The following IL36B variants were observed in gnomAD, a reference collection of about 807,000 sequenced individuals.
IL36B encodes interleukin-36 beta.
Under a neutral mutation model 19.3 loss-of-function variants are expected in IL36B, and 23 were observed. That is an observed-to-expected ratio of 1.19 (90% CI 0.86 to 1.69). The LOEUF (loss-of-function observed/expected upper bound fraction) is 1.69. Ranked by LOEUF, IL36B falls within the 40% of genes most tolerant of loss-of-function variation. The pLI, the probability that IL36B is intolerant of heterozygous loss-of-function variation, is 0.00. For missense variants in IL36B, 217 were observed against 200.5 expected, an observed-to-expected ratio of 1.08 and a Z score of -0.50; for synonymous variants, 59 against 59.7, an observed-to-expected ratio of 0.99 and a Z score of 0.05.
At chr2:113,027,771 G>A in intron 4 of IL36B, 1 of 1,463,560 alleles carries the variant, frequency 6.8e-7, no homozygotes, top group Non-Finnish European at 9.0e-7. Context: ...GGTGGCTTTT[G>A]GATAGTAAGA....
At chr2:113,045,211 T>C (rs887907363) in intron 1 of IL36B, among the ~76,000 whole-genome samples, 1 of 152,222 alleles carries the variant, frequency 6.6e-6, no homozygotes, top group Non-Finnish European at 1.5e-5. Flanking sequence ...TATTTCATCT[T>C]AATTTTGAAA....
rs761534030 is a variant in IL36B, at chr2:113,026,198, G to A, written c.296C>T (p.Thr99Ile). Residue 99 changes from threonine (T) to isoleucine (I), a missense_variant, in exon 5 of 6, where the codon ACT becomes ATT. Thr to Ile is a moderately conservative substitution (Grantham distance 89). Transcript: ENST00000259213. Reference sequence around the variant, plus strand: ...GTGAATTCCAACTAGTTTCCAGCAAGTGTCCTTCCCTATGTTATCTTGGGA... The same window carrying A: ...GTGAATTCCAACTAGTTTCCAGCAAATGTCCTTCCCTATGTTATCTTGGGA... 2 of 1,613,902 alleles carry A rather than the reference G, an allele frequency of 1.2e-6. No homozygotes were observed. Among genetic ancestry groups the A allele is most frequent in the Admixed American group, 1.7e-5 (1 of 60,016 alleles).
chr2:113,047,083 T>G (rs192089826), intron 1 of IL36B, among the ~76,000 whole-genome samples: 57 of 152,346 alleles, frequency 3.7e-4, no homozygotes, highest in Non-Finnish European at 5.9e-4. Flanking sequence ...GCTACTTTAT[T>G]TATTTTGCTA....
chr2:113,046,713 G>C (rs979444574), intron 1 of IL36B, among the ~76,000 whole-genome samples: 1 of 152,088 alleles, frequency 6.6e-6, no homozygotes, highest in Non-Finnish European at 1.5e-5. Context: ...TATGGGTTTG[G>C]GGGAGGGAGA....
chr2:113,038,981 T>A (rs567920774), intron 1 of IL36B, among the ~76,000 whole-genome samples: 2 of 152,342 alleles, frequency 1.3e-5, no homozygotes, highest in African/African-American at 4.8e-5. Flanking sequence ...TGTTTTCCCA[T>A]GTCCCTTTCT....
chr2:113,025,990 C>T lies in IL36B; in HGVS notation c.391+113G>A, dbSNP rs1684951281. 7 of 1,467,930 alleles carry T rather than the reference C, an allele frequency of 4.8e-6. No homozygotes were observed. The South Asian group carries it at 9.7e-5, about 20-fold the overall frequency. 90.9% of individuals were successfully genotyped at this position (1,467,930 alleles called of 1,614,324 possible). A position where few individuals can be genotyped will look rare whatever the true frequency, so the allele number is the denominator to read the frequency against. On this transcript the variant is annotated intron_variant, in intron 5 of 5. Transcript: ENST00000259213. ...TCAGGATGTATTCTTGAACTTAGAC[C>T]TGCCATGGGTGATTATGTCTCAATA... is the stretch of plus-strand genomic sequence containing the variant.
At chr2:113,042,999 T>G (rs902084259) in intron 1 of IL36B, among the ~76,000 whole-genome samples, 1 of 152,158 alleles carries the variant, frequency 6.6e-6, no homozygotes, top group Admixed American at 6.5e-5. Flanking sequence ...AGCTCATTGC[T>G]ATTTTATTTG....
At chr2:113,026,031 G>T in intron 5 of IL36B, 1 of 1,563,938 alleles carries the variant, frequency 6.4e-7, no homozygotes, top group Non-Finnish European at 8.7e-7. Context: ...GGGATCCTCT[G>T]AGGAACCATG....
chr2:113,043,480 AC>A (rs1685295816), intron 1 of IL36B, among the ~76,000 whole-genome samples: 1 of 152,144 alleles, frequency 6.6e-6, no homozygotes, highest in Non-Finnish European at 1.5e-5. Context: ...ATCATAATTC[AC>A]CTTTTTGTTG....
At chr2:113,031,795 G>C in intron 1 of IL36B, 29 bp from the exon 2 acceptor site, 5 of 1,054,992 alleles carry the variant, frequency 4.7e-6, no homozygotes, top group Non-Finnish European at 7.2e-6. Flanking sequence ...GTGAGAGAAG[G>C]AGAGAAGAAA....
intron 1 of IL36B, among the ~76,000 whole-genome samples, chr2:113,051,142 G>C (rs915874717): frequency 2.6e-5 from 4 of 152,200 alleles, no homozygotes; most frequent in African/African-American, 9.6e-5. Context: ...GGCACACTGA[G>C]AGCGGCAGGC....
At chr2:113,041,992 G>A (rs1307517304) in intron 1 of IL36B, among the ~76,000 whole-genome samples, 1 of 152,194 alleles carries the variant, frequency 6.6e-6, no homozygotes, top group African/African-American at 2.4e-5. Flanking sequence ...GCTTTTTCCA[G>A]GGAGCTGACA....
chr2:113,027,932 T>G, intron 4 of IL36B: 1 of 1,614,090 alleles, frequency 6.2e-7, no homozygotes, highest in Non-Finnish European at 8.5e-7. Context: ...TAGAAGTTAG[T>G]GTTATTAGTT....
intron 5 of IL36B, among the ~76,000 whole-genome samples, chr2:113,023,042 C>A (rs564845239): frequency 2.6e-5 from 4 of 152,164 alleles, no homozygotes; most frequent in Non-Finnish European, 4.4e-5. Flanking sequence ...AGAGGCACCC[C>A]TCACTTCCCT....
Position 113,031,127 on chromosome 2 carries a change from A to T in IL36B, c.42T>A (p.Ile14=). ...CCCACACCATCTGTCGAGAATCACGAATAGCATAGGATTTGGGTGCTGCCT... is the reference window on the plus strand; with the variant it reads ...CCCACACCATCTGTCGAGAATCACGTATAGCATAGGATTTGGGTGCTGCCT... The change falls in exon 3 of 6, where the codon ATT becomes ATA. Residue 14 remains isoleucine, a synonymous_variant. Transcript: ENST00000259213. The T allele has an allele frequency of 1.9e-6, 3 of 1,614,180 alleles. No individual in the cohort carries two copies. Among genetic ancestry groups the T allele is most frequent in the Non-Finnish European group, 2.5e-6 (3 of 1,179,972 alleles).
At chr2:113,031,591 G>T in intron 2 of IL36B, 106 bp downstream of exon 2, 1 of 999,704 alleles carries the variant, frequency 1.0e-6, no homozygotes, top group Non-Finnish European at 1.6e-6. Flanking sequence ...TTTAGCAAGA[G>T]CAAATACATT....
chr2:113,023,604 T>C (rs1413137271), intron 5 of IL36B, among the ~76,000 whole-genome samples: 2 of 152,116 alleles, frequency 1.3e-5, no homozygotes, highest in Non-Finnish European at 2.9e-5. Flanking sequence ...TGCTAGTCTC[T>C]GTCTCATTTT....
chr2:113,046,205 TTTC>T (rs567622352), intron 1 of IL36B, among the ~76,000 whole-genome samples: 9,283 of 27,450 alleles, frequency 0.34, 697 homozygotes, highest in East Asian at 0.53. Context: ...CTTCAGGTTT[TTTC>T]TTTTTTTTTT....
At chr2:113,027,939 A>T in intron 4 of IL36B, 1 of 1,614,148 alleles carries the variant, frequency 6.2e-7, no homozygotes, top group Non-Finnish European at 8.5e-7. Flanking sequence ...TAGTGTTATT[A>T]GTTATGCCTC....
Sources: gnomAD v4.1 joint callset for allele counts (sites outside exome capture counted in the v4.1 genomes callset) on GRCh38, gnomAD v4.1.1 for gene constraint, MANE v1.5 for transcripts, NCBI Gene and HGNC (gene_info 2026-07-23, HGNC 2026-07-21) for gene names.